SLAMF6: variants seen among roughly 807,000 people sequenced by gnomAD.
SLAMF6 encodes the protein SLAM family member 6, also known as NK-T-B-antigen.
A neutral mutation model predicts 38.3 loss-of-function variants in SLAMF6; 21 were observed. The ratio of observed to expected loss-of-function variants is 0.55; its 90% CI spans 0.39 to 0.79. The LOEUF (loss-of-function observed/expected upper bound fraction) is 0.79. Ranked by LOEUF, SLAMF6 falls within the 30% of genes least tolerant of loss-of-function variation. The probability of loss-of-function intolerance (pLI) is 0.00; values close to 1 mark genes in which losing one functional copy is unlikely to be tolerated. For missense variants in SLAMF6, 341 were observed against 385.3 expected, an observed-to-expected ratio of 0.89 and a Z score of 0.96; for synonymous variants, 152 against 146.3, an observed-to-expected ratio of 1.04 and a Z score of -0.28.
At chr1:160,516,224 C>T (rs1449068554) in intron 1 of SLAMF6, among the ~76,000 whole-genome samples, 1 of 152,018 alleles carries the variant, frequency 6.6e-6, no homozygotes, top group Non-Finnish European at 1.5e-5. Context: ...AAGCAGAGAA[C>T]CAAATCATGA....
intron 2 of SLAMF6, among the ~76,000 whole-genome samples, chr1:160,495,361 A>C (rs984404400): frequency 6.6e-6 from 1 of 152,250 alleles, no homozygotes. Context: ...ATATTGACTC[A>C]TAAGAAATCT....
At chr1:160,509,961 G>C (rs551669466) in intron 1 of SLAMF6, among the ~76,000 whole-genome samples, 1 of 152,058 alleles carries the variant, frequency 6.6e-6, no homozygotes, top group Non-Finnish European at 1.5e-5. Context: ...AAAGGATTAA[G>C]AGAACACTAT....
intron 1 of SLAMF6, among the ~76,000 whole-genome samples, chr1:160,511,904 G>A (rs1192216242): frequency 6.6e-6 from 1 of 152,170 alleles, no homozygotes; most frequent in Non-Finnish European, 1.5e-5. Flanking sequence ...AAGCTGATGG[G>A]GCAAGGGGTG....
At chr1:160,489,233 C>G in intron 5 of SLAMF6, 63 bp from the exon 6 acceptor site, 1 of 1,528,818 alleles carries the variant, frequency 6.5e-7, no homozygotes, top group Non-Finnish European at 9.1e-7. Flanking sequence ...CCCAGGACTT[C>G]TCCCTCCCCA....
At chr1:160,494,397 G>A (rs1345215221) in intron 2 of SLAMF6, among the ~76,000 whole-genome samples, 1 of 152,140 alleles carries the variant, frequency 6.6e-6, no homozygotes, top group Non-Finnish European at 1.5e-5. Context: ...CATTGGATGA[G>A]TCTCTCTTCT....
intron 1 of SLAMF6, among the ~76,000 whole-genome samples, chr1:160,521,610 A>C (rs939476267): frequency 2.6e-5 from 4 of 152,016 alleles, no homozygotes; most frequent in Non-Finnish European, 4.4e-5. Context: ...TTCTCATTCC[A>C]GTTTTCTCCT....
chr1:160,516,855 T>C (rs1654768818), intron 1 of SLAMF6, among the ~76,000 whole-genome samples: 1 of 152,080 alleles, frequency 6.6e-6, no homozygotes, highest in Admixed American at 6.6e-5. Flanking sequence ...ATACAAAAAT[T>C]AACTCAAGAT....
At chr1:160,512,756 G>T (rs1442447735) in intron 1 of SLAMF6, among the ~76,000 whole-genome samples, 3 of 152,144 alleles carry the variant, frequency 2.0e-5, no homozygotes, top group Non-Finnish European at 2.9e-5. Flanking sequence ...CCAGCAAACT[G>T]CAGCAGTCTT....
chr1:160,494,465 A>G (rs984540770), intron 2 of SLAMF6, among the ~76,000 whole-genome samples: 26 of 151,986 alleles, frequency 1.7e-4, no homozygotes, highest in Non-Finnish European at 1.5e-5. Flanking sequence ...TTCTGCCTGT[A>G]GTGGGTTGAA....
Position 160,490,596 on chromosome 1 carries a change from G to C in SLAMF6, c.736C>G (p.Leu246Val), listed in dbSNP as rs148686177. 4.3e-6 allele frequency: 7 copies of C among 1,613,562 alleles called. No homozygotes were observed. The Admixed American group carries it at 1.2e-4, about 27-fold the overall frequency. ...CTGCCTCTTCTTTTCCTCAAAACAAGTAACAGCAGTATGATGAAACCGAAG... is the reference window on the plus strand; with the variant it reads ...CTGCCTCTTCTTTTCCTCAAAACAACTAACAGCAGTATGATGAAACCGAAG... ...IVFGFIILLL[L>V]VLRKRRDSLS... is the part of the protein sequence containing the mutation. Residue 246 changes from leucine to valine, a missense_variant, in exon 4 of 8, where the codon CTT (leucine) becomes GTT (valine). Coordinates refer to ENST00000368057, the MANE Select transcript of SLAMF6 (RefSeq NM_001184714.2).
intron 1 of SLAMF6, among the ~76,000 whole-genome samples, 159 bp downstream of exon 1, chr1:160,522,985 G>A (rs1655058085): frequency 6.6e-6 from 1 of 152,192 alleles, no homozygotes; most frequent in Admixed American, 6.5e-5. Flanking sequence ...AAAGTTGAGA[G>A]GAGGTAGTAG....
chr1:160,487,249 G>T, intron 6 of SLAMF6, 74 bp from the exon 7 acceptor site: 1 of 1,319,086 alleles, frequency 7.6e-7, no homozygotes, highest in Non-Finnish European at 1.1e-6. Flanking sequence ...TCTTAGGAAA[G>T]ACTGTGTGAC....
At chr1:160,518,764 C>T (rs1347981551) in intron 1 of SLAMF6, among the ~76,000 whole-genome samples, 17 of 146,648 alleles carry the variant, frequency 1.2e-4, no homozygotes, top group African/African-American at 1.8e-4. Flanking sequence ...TGGGGCCTGT[C>T]GGGGGTGGGG....
chr1:160,512,191 G>T (rs373868022), intron 1 of SLAMF6, among the ~76,000 whole-genome samples: 1 of 152,342 alleles, frequency 6.6e-6, no homozygotes, highest in African/African-American at 2.4e-5. Context: ...GGGACTGGTG[G>T]TTTGGAACCA....
intron 1 of SLAMF6, among the ~76,000 whole-genome samples, chr1:160,509,088 CAG>C (rs1348692992): frequency 6.6e-6 from 1 of 152,186 alleles, no homozygotes; most frequent in Non-Finnish European, 1.5e-5. Context: ...TTGTGGAAGA[CAG>C]TGTGGCAATT....
At chr1:160,491,423 A>G in intron 2 of SLAMF6, 35 bp from the exon 3 acceptor site, 1 of 1,593,346 alleles carries the variant, frequency 6.3e-7, no homozygotes, top group Non-Finnish European at 8.5e-7. Context: ...CAGATTAAGG[A>G]CAAATGTCTT....
At chr1:160,505,175 T>TA (rs1654118343) in intron 1 of SLAMF6, among the ~76,000 whole-genome samples, 1 of 152,120 alleles carries the variant, frequency 6.6e-6, no homozygotes, top group Non-Finnish European at 1.5e-5. Flanking sequence ...GAATAGTCAC[T>TA]AAAAAAACAA....
chr1:160,509,228 A>G (rs1433186148), intron 1 of SLAMF6, among the ~76,000 whole-genome samples: 9 of 152,262 alleles, frequency 5.9e-5, no homozygotes, highest in African/African-American at 2.2e-4. Context: ...GGCACTATTC[A>G]CAATAGCAAA....
intron 1 of SLAMF6, among the ~76,000 whole-genome samples, chr1:160,502,169 C>T (rs1419624474): frequency 6.6e-6 from 1 of 152,160 alleles, no homozygotes; most frequent in East Asian, 1.9e-4. Flanking sequence ...TTGGCATGGA[C>T]ATTGATGTTC....
Sources: gnomAD v4.1 joint callset for allele counts (sites outside exome capture counted in the v4.1 genomes callset) on GRCh38, gnomAD v4.1.1 for gene constraint, MANE v1.5 for transcripts, NCBI Gene and HGNC (gene_info 2026-07-23, HGNC 2026-07-21) for gene names.